Variants in KCNG3 observed in about 807,000 individuals in gnomAD.
KCNG3 encodes the protein voltage-gated potassium channel regulatory subunit KCNG3.
KCNG3 carries 15 observed loss-of-function variants against 29.0 expected under a neutral mutation model. The observed-to-expected ratio is 0.52, with a 90% CI of 0.35 to 0.80. The LOEUF (loss-of-function observed/expected upper bound fraction) is 0.80. KCNG3 is among the 30% of genes least tolerant of loss of function. The probability of loss-of-function intolerance (pLI) is 0.01; values close to 1 mark genes in which losing one functional copy is unlikely to be tolerated. For missense variants in KCNG3, 512 were observed against 605.7 expected (o/e 0.85, Z 1.62); for synonymous variants, 322 against 248.9 (o/e 1.29, Z -2.76).
chr2:42,435,011 G>A, the KCNG3 span, among the ~76,000 whole-genome samples: 2 of 152,224 alleles, frequency 1.3e-5, no homozygotes, highest in East Asian at 3.9e-4. Flanking sequence ...AAACTCTTAA[G>A]AGAAAACAGG....
intron 1 of KCNG3, among the ~76,000 whole-genome samples, chr2:42,459,106 G>C (rs1431745078): frequency 6.6e-6 from 1 of 151,192 alleles, no homozygotes; most frequent in Non-Finnish European, 1.5e-5. Context: ...TTAGGCAGGA[G>C]AATCGCTTGA....
chr2:42,399,339 G>A, the KCNG3 span, among the ~76,000 whole-genome samples: 5 of 152,112 alleles, frequency 3.3e-5, no homozygotes, highest in Non-Finnish European at 4.4e-5. Flanking sequence ...GATTACAGGC[G>A]TGAGCCACCG....
chr2:42,446,854 T>A (rs1284315266), intron 1 of KCNG3, among the ~76,000 whole-genome samples: 1 of 151,898 alleles, frequency 6.6e-6, no homozygotes, highest in Non-Finnish European at 1.5e-5. Flanking sequence ...GAAAGAAAGG[T>A]CTCAGGCCAG....
Position 42,481,371 on chromosome 2 carries a change from G to A in KCNG3, c.665+11466C>T, listed in dbSNP as rs147161038. On this transcript the variant is annotated intron_variant, in intron 1 of 1. Coordinates refer to ENST00000306078, the MANE Select transcript of KCNG3 (RefSeq NM_133329.6). ...CAAGGAAGTCCTTGACCATCCAGGA[G>A]AAACCAAATACCAGTACCAAAGGCT... 7.1e-3 allele frequency among the ~76,000 whole-genome samples: 1,087 copies of A among 152,270 alleles called. 4 individuals are homozygous for A. The highest frequency in any genetic ancestry group is 0.011 in the Non-Finnish European group (749 of 68,032).
Position 42,493,605 on chromosome 2 carries a change from C to T in KCNG3, c.-104G>A, listed in dbSNP as rs1164400241. On this transcript the variant is annotated 5_prime_UTR_variant, in exon 1 of 2. Coordinates refer to ENST00000306078, the MANE Select transcript of KCNG3 (RefSeq NM_133329.6). ...GCCCGTGGCTGACGGGGGAGCGCGC[C>T]GTCGGGGCCCGCGCTCCCTCGGGGC... is the stretch of plus-strand genomic sequence containing the variant. 1.9e-6 allele frequency: 2 copies of T among 1,039,796 alleles called. No individual in the cohort carries two copies. The highest frequency in any genetic ancestry group is 1.7e-5 in the African/African-American group (1 of 60,154). 64.4% of individuals were successfully genotyped at this position (1,039,796 alleles called of 1,614,324 possible).
chr2:42,392,751 A>G, the KCNG3 span, among the ~76,000 whole-genome samples: 1 of 152,014 alleles, frequency 6.6e-6, no homozygotes, highest in Non-Finnish European at 1.5e-5. Flanking sequence ...GGGTCCTGGC[A>G]TCTCATCGTC....
At chr2:42,476,848 T>C (rs72986067) in intron 1 of KCNG3, among the ~76,000 whole-genome samples, 19,422 of 150,790 alleles carry the variant, frequency 0.13, 1,694 homozygotes, top group African/African-American at 0.23. Context: ...GCAAAAGAAT[T>C]TGTTGCCCAT....
chr2:42,457,189 G>A (rs1672897502), intron 1 of KCNG3, among the ~76,000 whole-genome samples: 2 of 152,090 alleles, frequency 1.3e-5, no homozygotes, highest in Non-Finnish European at 2.9e-5. Flanking sequence ...CTAAGCCAAA[G>A]AGAATTGACT....
At chr2:42,470,771 G>C (rs1673265383) in intron 1 of KCNG3, among the ~76,000 whole-genome samples, 1 of 151,728 alleles carries the variant, frequency 6.6e-6, no homozygotes, top group African/African-American at 2.4e-5. Context: ...AGGTACTCAG[G>C]AGGCTGACAT....
At chr2:42,407,523 G>T in the KCNG3 span, among the ~76,000 whole-genome samples, 1 of 152,204 alleles carries the variant, frequency 6.6e-6, no homozygotes, top group Non-Finnish European at 1.5e-5. Context: ...AACAACAAGT[G>T]GGAGCCCCAC....
the KCNG3 span, among the ~76,000 whole-genome samples, chr2:42,406,133 G>A: frequency 6.6e-6 from 1 of 152,074 alleles, no homozygotes; most frequent in Non-Finnish European, 1.5e-5. Flanking sequence ...ATCCCACAAT[G>A]TTTGATACTT....
chr2:42,466,316 G>A (rs1301218403), intron 1 of KCNG3, among the ~76,000 whole-genome samples: 2 of 152,204 alleles, frequency 1.3e-5, no homozygotes, highest in African/African-American at 4.8e-5. Context: ...TGAGGCAGGA[G>A]AATCGCTTGA....
At chr2:42,492,359 A>G (rs1044643806) in intron 1 of KCNG3, among the ~76,000 whole-genome samples, 2 of 152,224 alleles carry the variant, frequency 1.3e-5, no homozygotes, top group African/African-American at 4.8e-5. Flanking sequence ...AGCACATAGT[A>G]TGCCGGGGGC....
At chr2:42,422,277 C>A in the KCNG3 span, among the ~76,000 whole-genome samples, 5 of 152,064 alleles carry the variant, frequency 3.3e-5, no homozygotes, top group East Asian at 9.7e-4. Flanking sequence ...ATGCTGTTAT[C>A]TTGAGAGTAG....
At chr2:42,478,460 G>T (rs535750234) in intron 1 of KCNG3, among the ~76,000 whole-genome samples, 1 of 151,860 alleles carries the variant, frequency 6.6e-6, no homozygotes, top group South Asian at 2.1e-4. Context: ...TGAACTCCTG[G>T]GCTCAAGTGA....
the KCNG3 span, among the ~76,000 whole-genome samples, chr2:42,432,934 T>TAAAAAAAAAAAAAAAA: frequency 1.5e-5 from 2 of 132,760 alleles, no homozygotes; most frequent in Non-Finnish European, 1.6e-5. Flanking sequence ...GCTTTTATGA[T>TAAAAAAAAAAAAAAAA]AAAAAAAAAA....
rs937152681 is a variant in KCNG3 at position 42,493,752 on chromosome 2, G to C, written c.-251C>G. ...CCGGGGAGTCCTCGCCGGCGCCAGC[G>C]CTGAGCCCCACCGGCTGGGAACGCG... On this transcript the variant is annotated 5_prime_UTR_variant, in exon 1 of 2. Coordinates refer to ENST00000306078, the MANE Select transcript of KCNG3 (RefSeq NM_133329.6). 6 of 321,472 alleles carry C rather than the reference G, an allele frequency of 1.9e-5. No homozygotes were observed. Among genetic ancestry groups the C allele is most frequent in the African/African-American group, 1.3e-4 (6 of 46,022 alleles). 19.9% of individuals were successfully genotyped at this position (321,472 alleles called of 1,614,324 possible).
At position 42,493,587 on chromosome 2, in the gene KCNG3, G is replaced by T; in HGVS notation, c.-86C>A. 8.4e-7 allele frequency: 1 copy of T among 1,186,434 alleles called. No individual in the cohort carries two copies. Among genetic ancestry groups the T allele is most frequent in the Non-Finnish European group, 1.1e-6 (1 of 946,034 alleles). The allele number at this position is 1,186,434 out of a possible 1,614,324, so 73.5% of individuals were successfully genotyped here. ...GCCACGCGGGGCCTGCCTGCCCGTG[G>T]CTGACGGGGGAGCGCGCCGTCGGGG... On this transcript the variant is annotated 5_prime_UTR_variant, in exon 1 of 2. Transcript: ENST00000306078.
intron 1 of KCNG3, among the ~76,000 whole-genome samples, chr2:42,482,863 A>C (rs950279210): frequency 7.9e-5 from 12 of 152,124 alleles, no homozygotes; most frequent in Non-Finnish European, 1.6e-4. Flanking sequence ...GCTCATGCCT[A>C]TAATCCCAAC....
Sources: gnomAD v4.1 joint callset for allele counts (sites outside exome capture counted in the v4.1 genomes callset) on GRCh38, gnomAD v4.1.1 for gene constraint, MANE v1.5 for transcripts, NCBI Gene and HGNC (gene_info 2026-07-23, HGNC 2026-07-21) for gene names.